Variants in DMBT1 observed in about 807,000 individuals in gnomAD.
DMBT1 encodes the protein scavenger receptor cysteine-rich domain-containing protein DMBT1.
In DMBT1, 198 loss-of-function variants were observed where a neutral mutation model predicts 252.9. The ratio of observed to expected loss-of-function variants is 0.78; its 90% CI spans 0.70 to 0.88. The LOEUF is 0.88. DMBT1 is among the 40% of genes least tolerant of loss of function. DMBT1 has a pLI of 0.00. For missense variants in DMBT1, 2,432 were observed against 2,404.7 expected (o/e 1.01, Z -0.24); for synonymous variants, 990 against 942.7 (o/e 1.05, Z -0.92).
intron 20 of DMBT1, among the ~76,000 whole-genome samples, 163 bp downstream of exon 20, chr10:122,592,758 G>T (rs1308954003): frequency 2.0e-5 from 3 of 148,776 alleles, no homozygotes; most frequent in African/African-American, 7.3e-5. Flanking sequence ...TTTTACTACA[G>T]GGCTTGGTGT....
intron 46 of DMBT1, among the ~76,000 whole-genome samples, chr10:122,628,648 A>G (rs2098135682): frequency 6.6e-6 from 1 of 152,212 alleles, no homozygotes; most frequent in Admixed American, 6.5e-5. Context: ...AAACAAAACA[A>G]AAGAAAAAAA....
At chr10:122,600,726 T>A (rs1404802789) in intron 27 of DMBT1, among the ~76,000 whole-genome samples, 1 of 152,156 alleles carries the variant, frequency 6.6e-6, no homozygotes, top group Non-Finnish European at 1.5e-5. Flanking sequence ...TCAGCAGATG[T>A]GGGATGGCAT....
chr10:122,631,218 C>T lies in DMBT1; in HGVS notation c.6283C>T (p.Arg2095Trp), dbSNP rs369082605. The T allele has an allele frequency of 3.6e-5, 58 of 1,613,872 alleles. No homozygotes were observed. The highest frequency in any genetic ancestry group is 1.2e-4 in the African/African-American group (9 of 74,922). Residue 2095 changes from arginine (R) to tryptophan (W), a missense_variant, in exon 49 of 56, where the codon CGG becomes TGG. Coordinates refer to ENST00000338354, the MANE Select transcript of DMBT1 (RefSeq NM_001377530.1). ...GACGGAATCCACTCTCTGGCAGTGC[C>T]GGAACCGAGGCTGGTTCTCCCACAA... is the stretch of plus-strand genomic sequence containing the variant. ...SGTESTLWQC[R>W]NRGWFSHNCN...
intron 48 of DMBT1, 35 bp downstream of exon 48, chr10:122,630,525 G>A (rs770722141): frequency 2.5e-6 from 4 of 1,603,158 alleles, no homozygotes; most frequent in East Asian, 2.2e-5. Context: ...ATGAGGCTTG[G>A]TGGATTTACC....
intron 2 of DMBT1, among the ~76,000 whole-genome samples, chr10:122,567,667 C>T (rs1271506920): frequency 6.6e-6 from 1 of 152,190 alleles, no homozygotes; most frequent in Non-Finnish European, 1.5e-5. Flanking sequence ...ATTTTCCTCA[C>T]ACCATCAATA....
chr10:122,565,526 G>A (rs3019514), intron 1 of DMBT1, among the ~76,000 whole-genome samples: 101,915 of 152,016 alleles, frequency 0.67, 34,521 homozygotes, highest in East Asian at 0.77. Context: ...GGAATAAAAT[G>A]TTTTCAGGTT....
chr10:122,576,600 G>A lies in DMBT1; in HGVS notation c.485G>A (p.Gly162Glu), dbSNP rs200664624. Reference sequence around the variant, plus strand: ...AATGCCTGGTTTGGCCAGGGCTCAGGACCCATTGCCCTGGATGATGTGCGC... The same window carrying A: ...AATGCCTGGTTTGGCCAGGGCTCAGAACCCATTGCCCTGGATGATGTGCGC... ...PGNAWFGQGS[G>E]PIALDDVRCS... Residue 162 changes from glycine to glutamate, a missense_variant, in exon 7 of 56, where the codon GGA (glycine) becomes GAA (glutamate). Gly to Glu is a moderately conservative substitution (Grantham distance 98, BLOSUM62 -2). This residue lies in a region of DMBT1 where 1,264 missense variants were observed against 1,082.2 expected (regional missense o/e 1.17). Transcript: ENST00000338354. 1.5e-3 allele frequency: 2,342 copies of A among 1,613,878 alleles called. 1 individual carries two copies. The highest frequency in any genetic ancestry group is 1.9e-3 in the Non-Finnish European group (2,212 of 1,179,796).
At chr10:122,578,447 C>G (rs2097732489) in intron 8 of DMBT1, among the ~76,000 whole-genome samples, 1 of 152,138 alleles carries the variant, frequency 6.6e-6, no homozygotes, top group South Asian at 2.1e-4. Context: ...GTCCACGCGT[C>G]AGTGGATGGT....
intron 2 of DMBT1, among the ~76,000 whole-genome samples, chr10:122,567,037 G>A (rs1335046805): frequency 6.6e-6 from 1 of 152,204 alleles, no homozygotes; most frequent in Non-Finnish European, 1.5e-5. Context: ...AGAACTTTGT[G>A]CCCAAGTTTA....
intron 7 of DMBT1, among the ~76,000 whole-genome samples, chr10:122,577,102 G>C (rs557746040): frequency 6.6e-6 from 1 of 152,274 alleles, no homozygotes; most frequent in South Asian, 2.1e-4. Context: ...TCAGACACAG[G>C]GTCCAGCATG....
At chr10:122,580,372 T>G (rs1022438390) in intron 10 of DMBT1, among the ~76,000 whole-genome samples, 18 of 152,074 alleles carry the variant, frequency 1.2e-4, no homozygotes, top group Admixed American at 4.6e-4. Flanking sequence ...TGGGTGTCTG[T>G]TTGTATCAGG....
intron 54 of DMBT1, 33 bp downstream of exon 54, chr10:122,637,345 T>G: frequency 6.4e-7 from 1 of 1,558,460 alleles, no homozygotes; most frequent in Non-Finnish European, 8.7e-7. Flanking sequence ...CATTTCCCAG[T>G]GCACAAGCTT....
chr10:122,577,956 C>T, intron 8 of DMBT1, 116 bp downstream of exon 8: 1 of 1,157,188 alleles, frequency 8.6e-7, no homozygotes, highest in South Asian at 1.5e-5. Context: ...TATTATTTCA[C>T]CCCCAACTCT....
intron 19 of DMBT1, among the ~76,000 whole-genome samples, chr10:122,591,747 G>A (rs1380493993): frequency 1.3e-5 from 2 of 148,862 alleles, no homozygotes; most frequent in Non-Finnish European, 3.0e-5. Flanking sequence ...TATCAGTAAA[G>A]ATCCTCATTC....
rs540842960 is a variant in DMBT1 at position 122,624,674 on chromosome 10, C to T, written c.5609-603C>T. On this transcript the variant is annotated intron_variant, in intron 44 of 55. Coordinates refer to ENST00000338354, the MANE Select transcript of DMBT1 (RefSeq NM_001377530.1). ...CAATGTGGTCTGCAGGCAGCTGGGC[C>T]GTGGCTGGGCCGTGGCATTCCCAGG... 1.1e-4 allele frequency among the ~76,000 whole-genome samples: 16 copies of T among 148,214 alleles called. No homozygotes were observed. The South Asian group carries it at 1.7e-3, about 15-fold the overall frequency.
rs1435117398 is a variant in DMBT1, at chr10:122,587,219, CA to C, written c.1783+837del. ...GTGAGGTGGATGCAGCACATATAGGCATTGAGGGAGGGACGGTCTGACTGGG... is the reference window on the plus strand; with the variant it reads ...GTGAGGTGGATGCAGCACATATAGGCTTGAGGGAGGGACGGTCTGACTGGG... On this transcript the variant is annotated intron_variant, in intron 16 of 55. Transcript: ENST00000338354. 1.3e-5 allele frequency among the ~76,000 whole-genome samples: 2 copies of C among 148,284 alleles called. 1 individual carries two copies. The highest frequency in any genetic ancestry group is 3.0e-5 in the Non-Finnish European group (2 of 66,672).
At chr10:122,599,367 C>T (rs1387389599) in intron 26 of DMBT1, among the ~76,000 whole-genome samples, 1 of 152,102 alleles carries the variant, frequency 6.6e-6, no homozygotes, top group African/African-American at 2.4e-5. Context: ...GTGCTGGCTC[C>T]CCAGGGCTCC....
rs1055099742 is a variant in DMBT1, at chr10:122,643,606, T to A, written c.*208T>A. ...CGTTGCAGGGTGAGGTCAAGAGAGT[T>A]CTGACCTGGATGGCCCATAGACCTG... On this transcript the variant is annotated 3_prime_UTR_variant, in exon 56 of 56. Coordinates refer to ENST00000338354, the MANE Select transcript of DMBT1 (RefSeq NM_001377530.1). 7.4e-6 allele frequency: 5 copies of A among 679,842 alleles called. No individual in the cohort carries two copies. The African/African-American group carries it at 9.0e-5, about 12-fold the overall frequency. 42.1% of individuals were successfully genotyped at this position (679,842 alleles called of 1,614,324 possible). A position where few individuals can be genotyped will look rare whatever the true frequency, so the allele number is the denominator to read the frequency against.
chr10:122,591,001 T>A (rs1057406279), intron 18 of DMBT1, among the ~76,000 whole-genome samples: 1 of 148,450 alleles, frequency 6.7e-6, no homozygotes, highest in African/African-American at 2.4e-5. Context: ...CCTCACTCCT[T>A]CAGACACCCC....
Sources: gnomAD v4.1 joint callset for allele counts (sites outside exome capture counted in the v4.1 genomes callset) on GRCh38, gnomAD v4.1.1 for gene constraint, gnomAD v4.1.1 regional missense constraint, MANE v1.5 for transcripts, NCBI Gene and HGNC (gene_info 2026-07-23, HGNC 2026-07-21) for gene names.